Variants in CMIP observed in about 807,000 individuals in gnomAD.
CMIP encodes C-Maf-inducing protein.
In CMIP, 13 loss-of-function variants were observed where a neutral mutation model predicts 97.3. The observed-to-expected ratio is 0.13, with a 90% confidence interval of 0.09 to 0.21. The LOEUF (loss-of-function observed/expected upper bound fraction) is 0.21, where lower values mean the gene tolerates loss of function less well. CMIP is among the 10% of genes least tolerant of loss of function. The probability of loss-of-function intolerance (pLI) is 1.00; values close to 1 mark genes in which losing one functional copy is unlikely to be tolerated. For missense variants in CMIP, 847 were observed against 1,024.9 expected (o/e 0.83, Z 2.37); for synonymous variants, 538 against 436.3 (o/e 1.23, Z -2.91).
chr16:81,525,754 T>C (rs1231432467), intron 1 of CMIP, among the ~76,000 whole-genome samples: 1 of 152,240 alleles, frequency 6.6e-6, no homozygotes, highest in Non-Finnish European at 1.5e-5. Flanking sequence ...TCCGTCCTCA[T>C]TAAATGATAG....
intron 1 of CMIP, among the ~76,000 whole-genome samples, chr16:81,604,889 C>G (rs375155767): frequency 6.6e-6 from 1 of 152,100 alleles, no homozygotes; most frequent in Admixed American, 6.6e-5. Flanking sequence ...ATGAAAGTTG[C>G]CTTTATTTTT....
rs1908672334 is a variant in CMIP, at chr16:81,710,718, T to A, written c.*919T>A. On this transcript the variant is annotated 3_prime_UTR_variant, in exon 21 of 21. Coordinates refer to ENST00000537098, the MANE Select transcript of CMIP (RefSeq NM_198390.3). ...GGGGCTCAGGCTGGAGGAGGAGGGA[T>A]TAAGATCCCCTTGCTCCACTAAGGC... The A allele has an allele frequency of 1.3e-5, 2 of 151,974 alleles. No individual in the cohort carries two copies. The highest frequency in any genetic ancestry group is 2.9e-5 in the Non-Finnish European group (2 of 68,038). The allele number at this position is 151,974 out of a possible 1,614,324, so 9.4% of individuals were successfully genotyped here.
At chr16:81,579,972 TA>T (rs954118718) in intron 1 of CMIP, among the ~76,000 whole-genome samples, 2 of 149,964 alleles carry the variant, frequency 1.3e-5, no homozygotes, top group African/African-American at 4.9e-5. Flanking sequence ...AAAAAGAAAT[TA>T]AAAAAAAAAT....
At chr16:81,626,483 CTT>C (rs574513137) in intron 3 of CMIP, among the ~76,000 whole-genome samples, 248 of 131,798 alleles carry the variant, frequency 1.9e-3, no homozygotes, top group African/African-American at 6.5e-3. Flanking sequence ...TGTGGGGTGA[CTT>C]TTATGAATGT....
intron 1 of CMIP, among the ~76,000 whole-genome samples, chr16:81,554,154 A>G (rs1355313955): frequency 6.6e-6 from 1 of 152,268 alleles, no homozygotes; most frequent in Non-Finnish European, 1.5e-5. Context: ...GCGGATACCC[A>G]ATAATACAAT....
At chr16:81,533,919 A>G (rs1160064932) in intron 1 of CMIP, 1 of 152,152 alleles carries the variant, frequency 6.6e-6, no homozygotes, top group Non-Finnish European at 1.5e-5. Context: ...CATCTCCATC[A>G]CCTTGAGCAT....
At chr16:81,671,263 G>T (rs146020508) in intron 8 of CMIP, among the ~76,000 whole-genome samples, 2 of 152,200 alleles carry the variant, frequency 1.3e-5, no homozygotes, top group African/African-American at 4.8e-5. Flanking sequence ...TGCCAGAACC[G>T]TGGTGACACC....
Position 81,607,806 on chromosome 16 carries a change from T to G in CMIP, c.426+114T>G. ...TATCAAGAGGAAAGGTTGTTTAACT[T>G]TGGGTGATTTTATTCCCCAAGTATA... On this transcript the variant is annotated intron_variant, in intron 2 of 20. Transcript: ENST00000537098. 3 of 1,182,576 alleles carry G rather than the reference T, an allele frequency of 2.5e-6. No homozygotes were observed. In the East Asian group the frequency reaches 7.5e-5, roughly 30 times the overall value. 73.3% of individuals were successfully genotyped at this position (1,182,576 alleles called of 1,614,324 possible).
intron 3 of CMIP, among the ~76,000 whole-genome samples, chr16:81,638,601 T>TC (rs1310997051): frequency 1.3e-5 from 2 of 151,664 alleles, no homozygotes; most frequent in Non-Finnish European, 1.5e-5. Context: ...CCCTTTCCTC[T>TC]CCCCCCTCTC....
chr16:81,660,336 G>A (rs978865178), intron 5 of CMIP, among the ~76,000 whole-genome samples: 1 of 151,668 alleles, frequency 6.6e-6, no homozygotes, highest in African/African-American at 2.4e-5. Context: ...TGCAGTGGCA[G>A]GAACTCGGCT....
chr16:81,520,838 G>A (rs1040916728), intron 1 of CMIP, among the ~76,000 whole-genome samples: 5 of 152,180 alleles, frequency 3.3e-5, no homozygotes, highest in Admixed American at 2.6e-4. Context: ...TATAAGAAGG[G>A]TTGTGAGGAG....
intron 1 of CMIP, among the ~76,000 whole-genome samples, chr16:81,605,777 T>C (rs1197828348): frequency 6.6e-6 from 1 of 152,250 alleles, no homozygotes; most frequent in Non-Finnish European, 1.5e-5. Context: ...AGTTTATTTA[T>C]TTAGATATTT....
intron 3 of CMIP, among the ~76,000 whole-genome samples, chr16:81,628,059 C>G (rs2092099145): frequency 1.3e-5 from 2 of 152,154 alleles, no homozygotes; most frequent in Admixed American, 1.3e-4. Context: ...ACACAGAGCC[C>G]TTGAGCTGAT....
intron 1 of CMIP, among the ~76,000 whole-genome samples, chr16:81,472,739 C>T (rs964472725): frequency 1.3e-5 from 2 of 152,196 alleles, no homozygotes; most frequent in Non-Finnish European, 2.9e-5. Context: ...GGAGCTGATC[C>T]TGTGCAGATG....
intron 1 of CMIP, among the ~76,000 whole-genome samples, chr16:81,494,693 C>T (rs536142703): frequency 1.3e-5 from 2 of 152,344 alleles, no homozygotes; most frequent in South Asian, 2.1e-4. Flanking sequence ...TGGGTTCAAA[C>T]TCAGGTCAGG....
intron 9 of CMIP, among the ~76,000 whole-genome samples, chr16:81,673,597 C>T (rs770626834): frequency 2.6e-5 from 4 of 152,222 alleles, no homozygotes; most frequent in Non-Finnish European, 5.9e-5. Context: ...CACTGTGCCC[C>T]AGGAGGCCGT....
At chr16:81,557,000 C>G (rs1025546940) in intron 1 of CMIP, among the ~76,000 whole-genome samples, 1 of 152,198 alleles carries the variant, frequency 6.6e-6, no homozygotes, top group Non-Finnish European at 1.5e-5. Context: ...TTGGGAAAAA[C>G]TGGTGAAGTT....
chr16:81,490,135 G>A (rs189095505), intron 1 of CMIP, among the ~76,000 whole-genome samples: 49 of 152,316 alleles, frequency 3.2e-4, no homozygotes, highest in Admixed American at 2.9e-3. Flanking sequence ...GCTGTAAGAG[G>A]TTAGGTGTAG....
At chr16:81,600,528 C>G (rs1466992243) in intron 1 of CMIP, among the ~76,000 whole-genome samples, 1 of 152,116 alleles carries the variant, frequency 6.6e-6, no homozygotes, top group Non-Finnish European at 1.5e-5. Flanking sequence ...GTGACATGTC[C>G]AGAACAGGCA....
Sources: gnomAD v4.1 joint callset for allele counts (sites outside exome capture counted in the v4.1 genomes callset) on GRCh38, gnomAD v4.1.1 for gene constraint, MANE v1.5 for transcripts, NCBI Gene and HGNC (gene_info 2026-07-23, HGNC 2026-07-21) for gene names.